The following GLI2 variants were observed in gnomAD, a reference collection of about 807,000 sequenced individuals.
The protein encoded by GLI2 is transcription activator GLI2.
In GLI2, 22 loss-of-function variants were observed where a neutral mutation model predicts 78.9. That is an observed-to-expected ratio of 0.28 (90% CI 0.20 to 0.40). The LOEUF (loss-of-function observed/expected upper bound fraction) is 0.40, where lower values mean the gene tolerates loss of function less well. GLI2 is among the 10% of genes least tolerant of loss of function. GLI2 has a pLI of 1.00. For synonymous variants in GLI2, 974 were observed against 963.7 expected (o/e 1.01, Z -0.20); for missense variants, 2,097 against 2,213.2 (o/e 0.95, Z 1.05).
intron 2 of GLI2, among the ~76,000 whole-genome samples, chr2:120,857,887 T>TA (rs1687736571): frequency 2.6e-5 from 4 of 152,066 alleles, no homozygotes; most frequent in Admixed American, 6.5e-5. Context: ...TTTCTCCTCG[T>TA]GGCCCACTGA....
chr2:120,898,177 A>ACACAC, intron 2 of GLI2, among the ~76,000 whole-genome samples: 1 of 140,314 alleles, frequency 7.1e-6, no homozygotes, highest in South Asian at 2.4e-4. Context: ...TATAGATTAA[A>ACACAC]ACACACACAC....
At chr2:120,890,379 G>T (rs926222186) in intron 2 of GLI2, among the ~76,000 whole-genome samples, 5 of 152,100 alleles carry the variant, frequency 3.3e-5, no homozygotes, top group Admixed American at 3.3e-4. Flanking sequence ...TCCTGACTGA[G>T]GTGGTAGATA....
chr2:120,788,441 A>G (rs1437668896), intron 1 of GLI2, among the ~76,000 whole-genome samples: 3 of 152,238 alleles, frequency 2.0e-5, no homozygotes. Context: ...TTCAGGGAGT[A>G]AATCCCAGTG....
intron 2 of GLI2, among the ~76,000 whole-genome samples, chr2:120,841,848 G>GGTGTGTGTGTGTGTGTGTGTGT (rs555474895): frequency 0.018 from 2,339 of 132,560 alleles, 47 homozygotes; most frequent in Non-Finnish European, 0.021. Flanking sequence ...CAGTCTGGAG[G>GGTGTGTGTGTGTGTGTGTGTGT]GTGTGTGTGT....
chr2:120,985,824 TC>T (rs1257940073), intron 12 of GLI2, among the ~76,000 whole-genome samples: 4 of 152,146 alleles, frequency 2.6e-5, no homozygotes, highest in Admixed American at 2.6e-4. Flanking sequence ...ATCCCACAGG[TC>T]CCCCTCCTGG....
intron 2 of GLI2, among the ~76,000 whole-genome samples, chr2:120,884,543 T>C (rs1677303788): frequency 6.6e-6 from 1 of 152,192 alleles, no homozygotes; most frequent in Non-Finnish European, 1.5e-5. Flanking sequence ...TTTACGGCTG[T>C]GCCTGTCTCC....
intron 2 of GLI2, among the ~76,000 whole-genome samples, chr2:120,836,769 C>G (rs559435274): frequency 6.6e-6 from 1 of 152,280 alleles, no homozygotes; most frequent in South Asian, 2.1e-4. Flanking sequence ...TCACACTGCT[C>G]ATTTAGAAGC....
intron 2 of GLI2, among the ~76,000 whole-genome samples, chr2:120,885,787 G>A (rs1244182288): frequency 6.6e-6 from 1 of 152,204 alleles, no homozygotes; most frequent in Non-Finnish European, 1.5e-5. Flanking sequence ...CACAGGAGGA[G>A]GGAGAATCTG....
chr2:120,787,972 C>G (rs1298594953), intron 1 of GLI2, among the ~76,000 whole-genome samples: 2 of 152,184 alleles, frequency 1.3e-5, no homozygotes, highest in Non-Finnish European at 2.9e-5. Flanking sequence ...ACTGTCGTGT[C>G]AATTCTTGGA....
At chr2:120,844,751 C>T (rs955067543) in intron 2 of GLI2, among the ~76,000 whole-genome samples, 4 of 148,472 alleles carry the variant, frequency 2.7e-5, no homozygotes, top group Non-Finnish European at 4.5e-5. Context: ...CCAAAGGGCA[C>T]TTACTTTCTG....
chr2:120,882,402 A>G (rs1208994199), intron 2 of GLI2, among the ~76,000 whole-genome samples: 1 of 152,212 alleles, frequency 6.6e-6, no homozygotes, highest in Non-Finnish European at 1.5e-5. Flanking sequence ...GCGGGATGTG[A>G]TCAGCACTCC....
intron 10 of GLI2, among the ~76,000 whole-genome samples, chr2:120,981,597 G>A (rs183410574): frequency 9.6e-4 from 146 of 152,298 alleles, no homozygotes; most frequent in African/African-American, 3.2e-3. Flanking sequence ...GATAAAAGGC[G>A]TTTGGAGCCA....
chr2:120,771,234 C>CCTGTGT (rs986951958), intron 1 of GLI2, among the ~76,000 whole-genome samples: 12 of 152,198 alleles, frequency 7.9e-5, no homozygotes, highest in African/African-American at 2.9e-4. Flanking sequence ...AGGACCCTTC[C>CCTGTGT]CTGTGTCGCT....
intron 1 of GLI2, among the ~76,000 whole-genome samples, chr2:120,790,575 G>C (rs549527101): frequency 1.8e-4 from 28 of 152,312 alleles, no homozygotes; most frequent in African/African-American, 6.3e-4. Flanking sequence ...GTGTGGAATG[G>C]CTGGAAGAGG....
intron 2 of GLI2, among the ~76,000 whole-genome samples, chr2:120,834,080 C>T (rs1019570716): frequency 1.3e-5 from 2 of 152,184 alleles, no homozygotes; most frequent in Non-Finnish European, 2.9e-5. Flanking sequence ...ATCATCTTGC[C>T]CAGCATCCTC....
chr2:120,824,486 C>G (rs1013176318), intron 2 of GLI2, among the ~76,000 whole-genome samples: 5 of 152,338 alleles, frequency 3.3e-5, no homozygotes, highest in African/African-American at 1.2e-4. Flanking sequence ...CTCTTACGTT[C>G]ACGAGCGCTG....
At chr2:120,846,066 G>A (rs1687099622) in intron 2 of GLI2, among the ~76,000 whole-genome samples, 3 of 152,174 alleles carry the variant, frequency 2.0e-5, no homozygotes, top group Non-Finnish European at 4.4e-5. Context: ...GTCACTAGGG[G>A]GGTCCGAAGC....
intron 1 of GLI2, among the ~76,000 whole-genome samples, chr2:120,761,498 A>G (rs1408634691): frequency 6.6e-6 from 1 of 152,160 alleles, no homozygotes; most frequent in Admixed American, 6.5e-5. Flanking sequence ...TTGGCTCTAG[A>G]CAAGGTGGAC....
At position 120,894,760 on chromosome 2, in the gene GLI2, G is replaced by A. The variant is rs1200136558; in HGVS notation, c.149-32601G>A. Among the ~76,000 whole-genome samples, 4 of 151,334 alleles carry A rather than the reference G, an allele frequency of 2.6e-5. No homozygotes were observed. In the East Asian group the frequency reaches 5.8e-4, roughly 22 times the overall value. ...GTTGCCCAGGCTGGAGCGCAGTGGC[G>A]CGATCTTGGCTCACTGCAACCTCTG... On this transcript the variant is annotated intron_variant, in intron 2 of 13. Coordinates refer to ENST00000361492, the MANE Select transcript of GLI2 (RefSeq NM_001374353.1).
Sources: gnomAD v4.1 joint callset for allele counts (sites outside exome capture counted in the v4.1 genomes callset) on GRCh38, gnomAD v4.1.1 for gene constraint, MANE v1.5 for transcripts, NCBI Gene and HGNC (gene_info 2026-07-23, HGNC 2026-07-21) for gene names.